ASIP: variants seen among roughly 807,000 people sequenced by gnomAD.
ASIP encodes the protein agouti signaling protein.
A neutral mutation model predicts 10.3 loss-of-function variants in ASIP; 11 were observed. The observed-to-expected ratio is 1.07, with a 90% CI of 0.68 to 1.78. The LOEUF is 1.78. Ranked by LOEUF, ASIP falls within the 40% of genes most tolerant of loss-of-function variation. The pLI, the probability that ASIP is intolerant of heterozygous loss-of-function variation, is 0.00. For synonymous variants in ASIP, 70 were observed against 70.8 expected (o/e 0.99, Z 0.06); for missense variants, 180 against 169.2 (o/e 1.06, Z -0.35).
chr20:34,215,837 A>C (rs1032125580), intron 1 of ASIP: 1 of 1,392,830 alleles, frequency 7.2e-7, no homozygotes, highest in Non-Finnish European at 1.0e-6. Flanking sequence ...CAGGGCCCTT[A>C]GTCTAAAGTC....
At chr20:34,257,129 G>A (rs142449050) in intron 1 of ASIP, among the ~76,000 whole-genome samples, 4 of 147,830 alleles carry the variant, frequency 2.7e-5, no homozygotes, top group East Asian at 3.9e-4. Flanking sequence ...TTTCACCCAG[G>A]CTGGAGTGAA....
intron 1 of ASIP, among the ~76,000 whole-genome samples, chr20:34,219,112 A>G (rs1286158801): frequency 6.6e-6 from 1 of 152,180 alleles, no homozygotes; most frequent in Non-Finnish European, 1.5e-5. Context: ...AAATGTATAT[A>G]AATATAGACT....
intron 1 of ASIP, chr20:34,216,014 C>T: frequency 1.4e-6 from 1 of 689,916 alleles, no homozygotes; most frequent in South Asian, 1.5e-5. Flanking sequence ...CCATGGTCAG[C>T]CAGCGGAACG....
At chr20:34,199,810 T>C (rs1601568484) in intron 1 of ASIP, among the ~76,000 whole-genome samples, 1 of 152,206 alleles carries the variant, frequency 6.6e-6, no homozygotes, top group Non-Finnish European at 1.5e-5. Context: ...CTGATTCCTG[T>C]CTTTATTTTA....
chr20:34,215,906 C>T, intron 1 of ASIP: 2 of 902,864 alleles, frequency 2.2e-6, no homozygotes, highest in South Asian at 1.3e-5. Context: ...TGCTGCTATA[C>T]TTGGAGTTTT....
At chr20:34,252,526 G>A (rs1301082419) in intron 1 of ASIP, among the ~76,000 whole-genome samples, 1 of 152,140 alleles carries the variant, frequency 6.6e-6, no homozygotes. Flanking sequence ...CTAGCCACAG[G>A]GCGGTTTTCT....
intron 1 of ASIP, among the ~76,000 whole-genome samples, chr20:34,196,628 TG>T (rs1290748401): frequency 6.6e-6 from 1 of 152,186 alleles, no homozygotes; most frequent in Non-Finnish European, 1.5e-5. Flanking sequence ...TGACTTGTGT[TG>T]GGGAGATTTA....
At chr20:34,206,337 A>G (rs933400247) in intron 1 of ASIP, among the ~76,000 whole-genome samples, 5 of 151,976 alleles carry the variant, frequency 3.3e-5, no homozygotes, top group Admixed American at 3.3e-4. Flanking sequence ...CCTACTTTAT[A>G]TCTTCCTCCC....
intron 1 of ASIP, among the ~76,000 whole-genome samples, chr20:34,235,786 G>GAAGAAAGAAAGAAAGAAAGA (rs572242709): frequency 9.8e-5 from 6 of 61,392 alleles, no homozygotes; most frequent in Non-Finnish European, 1.7e-4. Flanking sequence ...CTCTGAGAAA[G>GAAGAAAGAAAGAAAGAAAGA]AAGAAAGAAA....
At chr20:34,257,273 T>C (rs769995535) in intron 1 of ASIP, among the ~76,000 whole-genome samples, 1 of 151,942 alleles carries the variant, frequency 6.6e-6, no homozygotes, top group Non-Finnish European at 1.5e-5. Flanking sequence ...GTATTTTTAG[T>C]AGAAACGGGG....
At chr20:34,237,593 T>C (rs1360063439), upstream of ASIP, among the ~76,000 whole-genome samples, 1 of 152,232 alleles carries the variant, frequency 6.6e-6, no homozygotes, top group East Asian at 1.9e-4. Context: ...ATATTATCTG[T>C]GAACAGAGAT....
chr20:34,218,254 C>T (rs2035022769), intron 1 of ASIP, among the ~76,000 whole-genome samples: 1 of 152,108 alleles, frequency 6.6e-6, no homozygotes, highest in Admixed American at 6.6e-5. Context: ...GGAGGTTTGG[C>T]TTCAGCATTA....
At chr20:34,227,662 C>T (rs1056657701) in intron 1 of ASIP, among the ~76,000 whole-genome samples, 2 of 151,208 alleles carry the variant, frequency 1.3e-5, no homozygotes, top group Admixed American at 6.6e-5. Context: ...ATACCATATT[C>T]GTGGATCAGA....
intron 1 of ASIP, among the ~76,000 whole-genome samples, chr20:34,224,657 T>A (rs1335778896): frequency 6.6e-6 from 1 of 150,604 alleles, no homozygotes; most frequent in Non-Finnish European, 1.5e-5. Context: ...CAAAGAGGAC[T>A]CCTAGGATTG....
At chr20:34,220,454 G>A (rs954273010) in intron 1 of ASIP, among the ~76,000 whole-genome samples, 1 of 152,050 alleles carries the variant, frequency 6.6e-6, no homozygotes, top group African/African-American at 2.4e-5. Context: ...AAATTAGCCG[G>A]GTGTGGTGCA....
At chr20:34,190,273 T>C (rs1352272678), upstream of ASIP, among the ~76,000 whole-genome samples, 2 of 152,182 alleles carry the variant, frequency 1.3e-5, no homozygotes, top group Non-Finnish European at 2.9e-5. Flanking sequence ...AGGTATTTTA[T>C]AGAACCTCCC....
At chr20:34,216,146 C>T (rs1220773638) in intron 1 of ASIP, among the ~76,000 whole-genome samples, 10 of 152,270 alleles carry the variant, frequency 6.6e-5, no homozygotes. Flanking sequence ...GCACGCCTCT[C>T]GTCGCTCCGC....
chr20:34,261,312 G>A (rs1056700265), intron 2 of ASIP, among the ~76,000 whole-genome samples: 4 of 151,950 alleles, frequency 2.6e-5, no homozygotes, highest in Non-Finnish European at 4.4e-5. Context: ...CAGACTGAGC[G>A]ACATAGGGAG....
chr20:34,214,951 C>T (rs192697532), intron 1 of ASIP: 5 of 1,421,050 alleles, frequency 3.5e-6, no homozygotes, highest in East Asian at 4.5e-5. Flanking sequence ...TTTACTCCAA[C>T]TAACTATCCA....
Sources: gnomAD v4.1 joint callset for allele counts (sites outside exome capture counted in the v4.1 genomes callset) on GRCh38, gnomAD v4.1.1 for gene constraint, MANE v1.5 for transcripts, NCBI Gene and HGNC (gene_info 2026-07-23, HGNC 2026-07-21) for gene names.